The following DENND4A variants were observed in gnomAD, a reference collection of about 807,000 sequenced individuals.
DENND4A encodes C-myc promoter-binding protein.
DENND4A carries 70 observed loss-of-function variants against 199.3 expected under a neutral mutation model. That is an observed-to-expected ratio of 0.35 (90% confidence interval 0.29 to 0.43). The LOEUF (loss-of-function observed/expected upper bound fraction) is 0.43, where lower values mean the gene tolerates loss of function less well. Among genes scored for constraint, DENND4A ranks in the 20% least tolerant of loss-of-function variants. The probability of loss-of-function intolerance (pLI) is 1.00; values close to 1 mark genes in which losing one functional copy is unlikely to be tolerated. For missense variants in DENND4A, 1,723 were observed against 2,255.8 expected, an observed-to-expected ratio of 0.76 and a Z score of 4.78; for synonymous variants, 686 against 766.9, an observed-to-expected ratio of 0.89 and a Z score of 1.74.
intron 16 of DENND4A, among the ~76,000 whole-genome samples, 167 bp from the exon 17 acceptor site, chr15:65,702,678 A>G (rs2074916534): frequency 6.6e-6 from 1 of 152,242 alleles, no homozygotes; most frequent in African/African-American, 2.4e-5. Flanking sequence ...ATTAAACAGC[A>G]TATAAAATAA....
At chr15:65,666,417 CA>C (rs2076040271) in intron 29 of DENND4A, among the ~76,000 whole-genome samples, 1 of 152,146 alleles carries the variant, frequency 6.6e-6, no homozygotes, top group South Asian at 2.1e-4. Context: ...ATACACCGAA[CA>C]AAGGGATGAT....
At position 65,665,470 on chromosome 15, in the gene DENND4A, A is replaced by G. The variant is rs2076004125; in HGVS notation, c.5242-8T>C. 6.3e-7 allele frequency: 1 copy of G among 1,590,758 alleles called. No individual in the cohort carries two copies. The highest frequency in any genetic ancestry group is 1.7e-5 in the Admixed American group (1 of 59,242). ...CATACAGTGGCGGGGAATCTGTGTTATACAATAAACATTCATTAATGATCC... is the reference window on the plus strand; with the variant it reads ...CATACAGTGGCGGGGAATCTGTGTTGTACAATAAACATTCATTAATGATCC... On this transcript the variant is annotated splice_polypyrimidine_tract_variant and splice_region_variant and intron_variant, in intron 29 of 32. Coordinates refer to ENST00000443035, the MANE Select transcript of DENND4A (RefSeq NM_001320835.1).
At position 65,669,507 on chromosome 15, in the gene DENND4A, AT is replaced by A. The variant is rs1158870931; in HGVS notation, c.4787+271del. Among the ~76,000 whole-genome samples, 8 of 152,066 alleles carry A rather than the reference AT, an allele frequency of 5.3e-5. No homozygotes were observed. In the East Asian group the frequency reaches 1.5e-3, roughly 29 times the overall value. On this transcript the variant is annotated intron_variant, in intron 27 of 32. Coordinates refer to ENST00000443035, the MANE Select transcript of DENND4A (RefSeq NM_001320835.1). ...TCATTATAAACCTCAAGTGTTCTAC[AT>A]TTTTTTTACCTTTAAAATACTAGTA...
intron 1 of DENND4A, among the ~76,000 whole-genome samples, chr15:65,776,272 T>C (rs2077280959): frequency 1.3e-5 from 2 of 152,160 alleles, no homozygotes; most frequent in Non-Finnish European, 2.9e-5. Flanking sequence ...GTATTAATGG[T>C]ATTAATATTA....
intron 21 of DENND4A, chr15:65,696,702 G>T: frequency 2.9e-6 from 1 of 346,288 alleles, no homozygotes; most frequent in Admixed American, 4.5e-5. Context: ...ACTGAATACT[G>T]ATCATGCATG....
intron 1 of DENND4A, among the ~76,000 whole-genome samples, chr15:65,781,295 C>G (rs569870817): frequency 2.6e-4 from 39 of 152,206 alleles, no homozygotes; most frequent in Admixed American, 2.2e-3. Flanking sequence ...TAATGACATA[C>G]TAAAACCTTA....
intron 11 of DENND4A, among the ~76,000 whole-genome samples, chr15:65,726,383 T>C (rs2075803888): frequency 6.6e-6 from 1 of 152,218 alleles, no homozygotes; most frequent in South Asian, 2.1e-4. Flanking sequence ...TCACGTAACA[T>C]TAACCTGGCA....
chr15:65,702,582 C>T, intron 16 of DENND4A, 71 bp from the exon 17 acceptor site: 1 of 1,232,686 alleles, frequency 8.1e-7, no homozygotes. Flanking sequence ...GAGTGCTAAA[C>T]AAGTACAAGT....
chr15:65,700,433 TAAA>T (rs2074824925), intron 20 of DENND4A, 108 bp downstream of exon 20: 6 of 499,200 alleles, frequency 1.2e-5, no homozygotes, highest in Non-Finnish European at 1.8e-5. Flanking sequence ...TATATAAAAT[TAAA>T]AAGTGACAGT....
intron 14 of DENND4A, among the ~76,000 whole-genome samples, chr15:65,709,493 G>T (rs1237158584): frequency 1.3e-5 from 2 of 151,680 alleles, no homozygotes; most frequent in Non-Finnish European, 2.9e-5. Flanking sequence ...ATCACCTGAG[G>T]TCGGGAGTTT....
chr15:65,669,984 T>C (rs746182065), intron 26 of DENND4A, 29 bp downstream of exon 26: 8 of 1,595,446 alleles, frequency 5.0e-6, no homozygotes, highest in Non-Finnish European at 6.8e-6. Flanking sequence ...AACATGATCC[T>C]TAAACATGAA....
intron 3 of DENND4A, among the ~76,000 whole-genome samples, chr15:65,752,891 C>T (rs886367507): frequency 1.3e-5 from 2 of 152,064 alleles, no homozygotes; most frequent in African/African-American, 4.8e-5. Context: ...GTGAAGGTAC[C>T]TATTTTGGCA....
chr15:65,750,838 G>A (rs1243316727), intron 4 of DENND4A, among the ~76,000 whole-genome samples: 2 of 152,064 alleles, frequency 1.3e-5, no homozygotes, highest in Non-Finnish European at 2.9e-5. Flanking sequence ...AAGCCATTAA[G>A]GGTTTTAAGC....
intron 16 of DENND4A, 38 bp downstream of exon 16, chr15:65,702,835 T>G (rs1488464059): frequency 6.4e-7 from 1 of 1,565,724 alleles, no homozygotes; most frequent in Non-Finnish European, 8.7e-7. Flanking sequence ...TTATTTCTTG[T>G]TCTAAAATTT....
chr15:65,728,544 C>T (rs1175962914), intron 11 of DENND4A, among the ~76,000 whole-genome samples: 12 of 147,482 alleles, frequency 8.1e-5, no homozygotes, highest in Admixed American at 1.4e-4. Flanking sequence ...AGTGCAGTGG[C>T]GCGATCTCAG....
chr15:65,678,687 T>G (rs2076469087), intron 23 of DENND4A, among the ~76,000 whole-genome samples: 1 of 152,170 alleles, frequency 6.6e-6, no homozygotes, highest in Admixed American at 6.5e-5. Context: ...TTTACAACAT[T>G]TTTATCTATC....
At chr15:65,785,596 GTAGTATA>G (rs1236428162) in intron 1 of DENND4A, among the ~76,000 whole-genome samples, 1 of 151,232 alleles carries the variant, frequency 6.6e-6, no homozygotes, top group Non-Finnish European at 1.5e-5. Context: ...ACCGAAAAAT[GTAGTATA>G]CACTCACATA....
chr15:65,675,034 T>C (rs2076331183), intron 24 of DENND4A, among the ~76,000 whole-genome samples: 1 of 152,186 alleles, frequency 6.6e-6, no homozygotes, highest in Non-Finnish European at 1.5e-5. Flanking sequence ...ATAAAAGCTT[T>C]TTAAAAGAGC....
chr15:65,728,914 G>A (rs2075885634), intron 11 of DENND4A, 158 bp downstream of exon 11: 5 of 731,736 alleles, frequency 6.8e-6, no homozygotes, highest in Admixed American at 2.0e-5. Flanking sequence ...CTCCATTGAC[G>A]CATAATAAGG....
Sources: allele counts gnomAD v4.1 joint callset (sites outside exome capture counted in the v4.1 genomes callset), GRCh38; gene constraint gnomAD v4.1.1; transcripts MANE v1.5; gene names NCBI Gene and HGNC (gene_info 2026-07-23, HGNC 2026-07-21).